The following PCSK2 variants were observed in gnomAD, a reference collection of about 807,000 sequenced individuals.
The protein encoded by PCSK2 is neuroendocrine convertase 2.
In PCSK2, 14 loss-of-function variants were observed where a neutral mutation model predicts 69.7. The ratio of observed to expected loss-of-function variants is 0.20; its 90% CI spans 0.13 to 0.31. The LOEUF is 0.31. Ranked by LOEUF, PCSK2 falls within the 10% of genes least tolerant of loss-of-function variation. PCSK2 has a pLI of 1.00. For missense variants in PCSK2, 544 were observed against 842.5 expected (o/e 0.65, Z 4.39); for synonymous variants, 307 against 320.7 (o/e 0.96, Z 0.46).
intron 1 of PCSK2, among the ~76,000 whole-genome samples, chr20:17,238,109 A>G (rs1014730129): frequency 6.6e-6 from 1 of 152,196 alleles, no homozygotes. Context: ...GAAAGTAAAC[A>G]TGTCTGCTAC....
chr20:17,382,290 T>C (rs1319516379), intron 5 of PCSK2, among the ~76,000 whole-genome samples: 2 of 152,198 alleles, frequency 1.3e-5, no homozygotes, highest in Non-Finnish European at 2.9e-5. Context: ...TTTATATGCA[T>C]GATCACATTT....
intron 5 of PCSK2, among the ~76,000 whole-genome samples, chr20:17,393,821 AGTGTG>A (rs1680203633): frequency 6.6e-6 from 1 of 152,210 alleles, no homozygotes; most frequent in South Asian, 2.1e-4. Flanking sequence ...TCCATAGCTA[AGTGTG>A]GTATAAATAA....
At chr20:17,361,742 T>C (rs947337678) in intron 4 of PCSK2, among the ~76,000 whole-genome samples, 6 of 152,230 alleles carry the variant, frequency 3.9e-5, no homozygotes, top group Non-Finnish European at 8.8e-5. Flanking sequence ...AATGCCTCAA[T>C]GTTTTTTGAT....
intron 11 of PCSK2, among the ~76,000 whole-genome samples, chr20:17,473,928 G>A (rs1568665246): frequency 6.6e-6 from 1 of 152,172 alleles, no homozygotes; most frequent in Non-Finnish European, 1.5e-5. Context: ...GGGCAGGATC[G>A]GGGCGTTTTT....
In PCSK2 at chr20:17,331,415, G is replaced by A. The variant is rs549068320; in HGVS notation, c.283-26912G>A. 1.7e-4 allele frequency among the ~76,000 whole-genome samples: 26 copies of A among 152,234 alleles called. No homozygotes were observed. In the East Asian group the frequency reaches 5.0e-3, roughly 29 times the overall value. ...GTCATGAACCATCTATTAAACCCAG[G>A]CCTTCTGTCTACAAACTCACTGCTT... On this transcript the variant is annotated intron_variant, in intron 2 of 11. Transcript: ENST00000262545.
chr20:17,251,303 G>A (rs943104337), intron 1 of PCSK2, among the ~76,000 whole-genome samples: 2 of 152,108 alleles, frequency 1.3e-5, no homozygotes, highest in African/African-American at 4.8e-5. Context: ...GCAGGGTTAA[G>A]TAGAGAAAAC....
intron 5 of PCSK2, among the ~76,000 whole-genome samples, chr20:17,400,168 C>T (rs2031602902): frequency 6.6e-6 from 1 of 152,212 alleles, no homozygotes; most frequent in African/African-American, 2.4e-5. Context: ...AATGTATATA[C>T]TTGGATTTAA....
At chr20:17,290,432 C>T (rs1600454651) in intron 2 of PCSK2, among the ~76,000 whole-genome samples, 1 of 152,162 alleles carries the variant, frequency 6.6e-6, no homozygotes, top group East Asian at 1.9e-4. Context: ...TTTGTCCCTG[C>T]TAATTATCAC....
intron 5 of PCSK2, among the ~76,000 whole-genome samples, chr20:17,401,229 T>C (rs2031629395): frequency 6.6e-6 from 1 of 152,214 alleles, no homozygotes; most frequent in African/African-American, 2.4e-5. Context: ...TTTGAGCTGA[T>C]ATAACAAAAT....
chr20:17,237,528 G>A (rs1013785055), intron 1 of PCSK2, among the ~76,000 whole-genome samples: 9 of 152,260 alleles, frequency 5.9e-5, no homozygotes, highest in African/African-American at 2.2e-4. Context: ...ACACAGGCCT[G>A]TGAAAGGAAA....
intron 8 of PCSK2, among the ~76,000 whole-genome samples, chr20:17,449,969 T>G (rs2123375095): frequency 6.6e-6 from 1 of 151,430 alleles, no homozygotes; most frequent in Middle Eastern, 3.4e-3. Flanking sequence ...AAAGCCTTAT[T>G]TAGCACTTCC....
At chr20:17,256,170 G>T (rs765368694) in intron 1 of PCSK2, among the ~76,000 whole-genome samples, 5 of 152,020 alleles carry the variant, frequency 3.3e-5, no homozygotes, top group Non-Finnish European at 5.9e-5. Flanking sequence ...TTTAAATTCT[G>T]TTATGTACTT....
intron 8 of PCSK2, among the ~76,000 whole-genome samples, chr20:17,447,498 C>T (rs118071835): frequency 0.021 from 3,248 of 152,206 alleles, 40 homozygotes; most frequent in Middle Eastern, 0.065. Context: ...TAAATTATGA[C>T]GCATATGAGC....
At chr20:17,458,037 C>A (rs2123389168) in intron 10 of PCSK2, among the ~76,000 whole-genome samples, 1 of 152,286 alleles carries the variant, frequency 6.6e-6, no homozygotes, top group African/African-American at 2.4e-5. Context: ...GTCCAGATAT[C>A]CTACAGAAAA....
chr20:17,408,551 T>C (rs2031802643), intron 5 of PCSK2, among the ~76,000 whole-genome samples: 1 of 152,236 alleles, frequency 6.6e-6, no homozygotes, highest in South Asian at 2.1e-4. Flanking sequence ...TTCATACAGA[T>C]ACTTATTGAA....
chr20:17,326,978 T>C (rs1023380725), intron 2 of PCSK2, among the ~76,000 whole-genome samples: 1 of 152,200 alleles, frequency 6.6e-6, no homozygotes, highest in African/African-American at 2.4e-5. Context: ...GTGATCTTAC[T>C]CTTCTCAGTA....
chr20:17,340,440 T>C (rs1405318604), intron 2 of PCSK2, among the ~76,000 whole-genome samples: 10 of 152,248 alleles, frequency 6.6e-5, no homozygotes, highest in Non-Finnish European at 1.5e-4. Context: ...TTGTGAATTC[T>C]GCTCTTTGCT....
At chr20:17,269,825 A>G (rs1017775697) in intron 2 of PCSK2, among the ~76,000 whole-genome samples, 1 of 152,174 alleles carries the variant, frequency 6.6e-6, no homozygotes, top group Non-Finnish European at 1.5e-5. Flanking sequence ...TTGAGAAACT[A>G]TAAAAGCCAT....
At chr20:17,454,044 C>T (rs2043089381) in intron 9 of PCSK2, 87 bp downstream of exon 9, 11 of 1,544,308 alleles carry the variant, frequency 7.1e-6, no homozygotes, top group African/African-American at 1.4e-5. Context: ...GCTTGCTCCC[C>T]TCCTGTCCCC....
Sources: gnomAD v4.1 joint callset for allele counts (sites outside exome capture counted in the v4.1 genomes callset) on GRCh38, gnomAD v4.1.1 for gene constraint, MANE v1.5 for transcripts, NCBI Gene and HGNC (gene_info 2026-07-23, HGNC 2026-07-21) for gene names.